The following SEC14L2 variants were observed in gnomAD, a reference collection of about 807,000 sequenced individuals.
SEC14L2 encodes SEC14-like protein 2.
A neutral mutation model predicts 56.9 loss-of-function variants in SEC14L2; 50 were observed. The observed-to-expected ratio is 0.88, with a 90% CI of 0.70 to 1.11. The LOEUF (loss-of-function observed/expected upper bound fraction) is 1.11. SEC14L2 is among the 50% of genes most tolerant of loss of function. The pLI is 0.00. For synonymous variants in SEC14L2, 179 were observed against 188.5 expected (o/e 0.95, Z 0.41); for missense variants, 414 against 500.7 (o/e 0.83, Z 1.65).
intron 3 of SEC14L2, among the ~76,000 whole-genome samples, chr22:30,406,588 T>C (rs1399020597): frequency 6.6e-6 from 1 of 152,162 alleles, no homozygotes; most frequent in East Asian, 1.9e-4. Context: ...CCAAGAATGA[T>C]AATCTGTTCT....
intron 1 of SEC14L2, 111 bp from the exon 2 acceptor site, chr22:30,399,532 A>AAG: frequency 1.7e-6 from 1 of 572,360 alleles, no homozygotes; most frequent in Non-Finnish European, 2.9e-6. Context: ...AAAAAAAAAA[A>AAG]AAAAAGAAAC....
chr22:30,421,524 G>A (rs1934517980), intron 11 of SEC14L2: 1 of 152,164 alleles, frequency 6.6e-6, no homozygotes, highest in Non-Finnish European at 1.5e-5. Context: ...ACATAAAATT[G>A]TTGAAGCAAT....
intron 4 of SEC14L2, 43 bp downstream of exon 4, chr22:30,407,197 C>T: frequency 1.2e-6 from 2 of 1,606,026 alleles, no homozygotes; most frequent in South Asian, 1.1e-5. Context: ...CTAGGCCTTT[C>T]AGACCCACAA....
chr22:30,407,331 C>T, intron 4 of SEC14L2, 84 bp from the exon 5 acceptor site: 1 of 1,513,256 alleles, frequency 6.6e-7, no homozygotes, highest in Non-Finnish European at 9.1e-7. Flanking sequence ...GAGAAAGATA[C>T]TGATGAACCT....
chr22:30,414,111 A>T (rs1934325246), intron 8 of SEC14L2, among the ~76,000 whole-genome samples: 1 of 152,174 alleles, frequency 6.6e-6, no homozygotes, highest in Non-Finnish European at 1.5e-5. Context: ...GATTACAGGC[A>T]TGAGCCACTG....
At chr22:30,402,471 C>T (rs1352278597) in intron 2 of SEC14L2, among the ~76,000 whole-genome samples, 5 of 152,100 alleles carry the variant, frequency 3.3e-5, no homozygotes, top group Non-Finnish European at 4.4e-5. Flanking sequence ...AGAATGTGGT[C>T]GGTCATTCTC....
intron 1 of SEC14L2, among the ~76,000 whole-genome samples, chr22:30,399,376 G>A (rs556046436): frequency 3.3e-5 from 5 of 152,032 alleles, no homozygotes; most frequent in South Asian, 2.1e-4. Flanking sequence ...ATAGCCAGGC[G>A]TGTTGGCAGG....
chr22:30,415,349 C>A (rs2146035983), intron 8 of SEC14L2, among the ~76,000 whole-genome samples: 1 of 152,308 alleles, frequency 6.6e-6, no homozygotes, highest in South Asian at 2.1e-4. Context: ...GGAAGAATCA[C>A]TTGAACCCGG....
At chr22:30,420,262 G>A (rs1311691860) in intron 11 of SEC14L2, among the ~76,000 whole-genome samples, 2 of 152,186 alleles carry the variant, frequency 1.3e-5, no homozygotes, top group African/African-American at 4.8e-5. Flanking sequence ...CAAATTGTGT[G>A]CTTTCATCAG....
intron 2 of SEC14L2, among the ~76,000 whole-genome samples, chr22:30,403,230 C>A (rs1933990275): frequency 6.6e-6 from 1 of 152,202 alleles, no homozygotes; most frequent in South Asian, 2.1e-4. Flanking sequence ...TCCCTTTCTC[C>A]ACTGAGGGCT....
intron 11 of SEC14L2, among the ~76,000 whole-genome samples, chr22:30,418,653 G>A (rs1261840605): frequency 1.3e-5 from 2 of 152,202 alleles, no homozygotes; most frequent in African/African-American, 2.4e-5. Flanking sequence ...ATTCCCAAGA[G>A]GAGCAGAGGC....
Position 30,397,028 on chromosome 22 carries a change from C to T in SEC14L2, c.-89C>T. 1 of 1,224,066 alleles carries T rather than the reference C, an allele frequency of 8.2e-7. No homozygotes were observed. Among genetic ancestry groups the T allele is most frequent in the South Asian group, 1.3e-5 (1 of 77,230 alleles). 75.8% of individuals were successfully genotyped at this position (1,224,066 alleles called of 1,614,324 possible). A position where few individuals can be genotyped will look rare whatever the true frequency, so the allele number is the denominator to read the frequency against. Reference sequence around the variant, plus strand: ...CGGGCAAAAGGCTGGGACTTTACTCCGGGTGGCGGCGAGGACGAGTCTGTG... The same window carrying T: ...CGGGCAAAAGGCTGGGACTTTACTCTGGGTGGCGGCGAGGACGAGTCTGTG... On this transcript the variant is annotated 5_prime_UTR_variant, in exon 1 of 12. Transcript: ENST00000615189.
chr22:30,404,818 C>T (rs1236462742), intron 2 of SEC14L2, among the ~76,000 whole-genome samples: 1 of 152,122 alleles, frequency 6.6e-6, no homozygotes, highest in African/African-American at 2.4e-5. Context: ...GCCTGTAATC[C>T]CAGCACTTTG....
chr22:30,419,836 T>G (rs1934469936), intron 11 of SEC14L2, among the ~76,000 whole-genome samples: 1 of 152,196 alleles, frequency 6.6e-6, no homozygotes, highest in Non-Finnish European at 1.5e-5. Context: ...ATATATTTTT[T>G]CAATACATGA....
intron 11 of SEC14L2, chr22:30,420,939 A>G (rs961766152): frequency 2.6e-5 from 4 of 152,202 alleles, no homozygotes; most frequent in African/African-American, 9.6e-5. Flanking sequence ...TGCCAAGTGC[A>G]TGCCCATTTT....
Position 30,413,624 on chromosome 22 carries a change from T to C in SEC14L2, c.665-2135T>C, listed in dbSNP as rs117794294. ...GAATGCCACCTATGGCACTGAACTT[T>C]GGGGGTAGGTAAGAGGGATTCTGAA... On this transcript the variant is annotated intron_variant, in intron 8 of 11. Coordinates refer to ENST00000615189, the MANE Select transcript of SEC14L2 (RefSeq NM_012429.5). Among the ~76,000 whole-genome samples the C allele has an allele frequency of 2.9e-3, 434 of 152,156 alleles. 11 individuals are homozygous for C. The East Asian group carries it at 0.056, about 19-fold the overall frequency.
At position 30,399,666 on chromosome 22, in the gene SEC14L2, G is replaced by A. The variant is rs1177748990; in HGVS notation, c.78G>A (p.Val26=). The A allele has an allele frequency of 6.2e-7, 1 of 1,613,824 alleles. No homozygotes were observed. Among genetic ancestry groups the A allele is most frequent in the African/African-American group, 1.3e-5 (1 of 74,908 alleles). The change falls in exon 2 of 12, where the codon GTG becomes GTA. Residue 26 remains valine (V), a synonymous_variant. Coordinates refer to ENST00000615189, the MANE Select transcript of SEC14L2 (RefSeq NM_012429.5). ...AGTTTCGGGAGAATGTCCAGGATGT[G>A]CTGCCGGCCCTGCCGAATCCAGATG... The part of the protein sequence containing the change: ...LAKFRENVQD[V]LPALPNPDDY...
At position 30,401,369 on chromosome 22, in the gene SEC14L2, C is replaced by T. The variant is rs909741170; in HGVS notation, c.130+1651C>T. Among the ~76,000 whole-genome samples, 123 of 149,072 alleles carry T rather than the reference C, an allele frequency of 8.3e-4. 2 individuals are homozygous for T. Among genetic ancestry groups the T allele is most frequent in the Admixed American group, 2.7e-4 (4 of 14,912 alleles). On this transcript the variant is annotated intron_variant, in intron 2 of 11. Coordinates refer to ENST00000615189, the MANE Select transcript of SEC14L2 (RefSeq NM_012429.5). ...GGATTATAGGCTCCCACCACCACAC[C>T]GGCTAAGGGTTTCACCATGTTGGCC... is the stretch of plus-strand genomic sequence containing the variant.
chr22:30,397,406 G>C (rs1259148266), intron 1 of SEC14L2: 1 of 496,480 alleles, frequency 2.0e-6, no homozygotes, highest in Non-Finnish European at 3.5e-6. Flanking sequence ...AGCCGTGGCG[G>C]TGCCACCTGG....
Sources: gnomAD v4.1 joint callset for allele counts (sites outside exome capture counted in the v4.1 genomes callset) on GRCh38, gnomAD v4.1.1 for gene constraint, MANE v1.5 for transcripts, NCBI Gene and HGNC (gene_info 2026-07-23, HGNC 2026-07-21) for gene names.